SERINC5: variants seen among roughly 807,000 people sequenced by gnomAD.
SERINC5 encodes the protein chromosome 5 open reading frame 12.
Under a neutral mutation model 63.1 loss-of-function variants are expected in SERINC5, and 41 were observed. The ratio of observed to expected loss-of-function variants is 0.65; its 90% confidence interval spans 0.51 to 0.84. The LOEUF (loss-of-function observed/expected upper bound fraction) is 0.84, where lower values mean the gene tolerates loss of function less well. SERINC5 is among the 40% of genes least tolerant of loss of function. The probability of loss-of-function intolerance (pLI) is 0.00; values close to 1 mark genes in which losing one functional copy is unlikely to be tolerated. For missense variants in SERINC5, 523 were observed against 573.0 expected (o/e 0.91, Z 0.89); for synonymous variants, 222 against 215.2 (o/e 1.03, Z -0.28).
intron 2 of SERINC5, among the ~76,000 whole-genome samples, chr5:80,200,602 A>G (rs6453509): frequency 0.3 from 46,266 of 151,922 alleles, 7,271 homozygotes; most frequent in African/African-American, 0.32. Flanking sequence ...GTCTTACTGA[A>G]GAAAGAGCCA....
intron 1 of SERINC5, among the ~76,000 whole-genome samples, chr5:80,249,778 G>A (rs1054058831): frequency 9.2e-5 from 14 of 151,940 alleles, no homozygotes; most frequent in South Asian, 8.3e-4. Context: ...CTCCAGCCTC[G>A]GCAACAAGAG....
intron 10 of SERINC5, 94 bp downstream of exon 10, chr5:80,147,151 C>G: frequency 8.8e-7 from 1 of 1,139,312 alleles, no homozygotes. Flanking sequence ...CCTTACTATT[C>G]AAGTTATTTG....
At chr5:80,160,972 ATG>A (rs1746853380) in intron 7 of SERINC5, among the ~76,000 whole-genome samples, 1 of 136,822 alleles carries the variant, frequency 7.3e-6, no homozygotes, top group Admixed American at 7.8e-5. Context: ...GTGTATATAT[ATG>A]TATATATGTG....
In SERINC5 at chr5:80,142,728, G is replaced by C. The variant is rs1278438235; in HGVS notation, c.*935C>G. On this transcript the variant is annotated 3_prime_UTR_variant, in exon 12 of 12. Coordinates refer to ENST00000507668, the MANE Select transcript of SERINC5 (RefSeq NM_001174072.3). ...AACTGAGGGGCTGACCTCAACAACT[G>C]AAAGAGCAGTGCATGCAGCAGGCTT... The C allele has an allele frequency of 6.1e-6, 6 of 985,436 alleles. No homozygotes were observed. Among genetic ancestry groups the C allele is most frequent in the Non-Finnish European group, 6.0e-6 (5 of 829,934 alleles). 61.0% of individuals were successfully genotyped at this position (985,436 alleles called of 1,614,324 possible). A position where few individuals can be genotyped will look rare whatever the true frequency, so the allele number is the denominator to read the frequency against.
rs182414256 is a variant in SERINC5 at position 80,140,698 on chromosome 5, C to T, written c.*2965G>A. The T allele has an allele frequency of 1.2e-4, 117 of 985,194 alleles. No homozygotes were observed. The African/African-American group carries it at 1.9e-3, about 16-fold the overall frequency. 61.0% of individuals were successfully genotyped at this position (985,194 alleles called of 1,614,324 possible). On this transcript the variant is annotated 3_prime_UTR_variant, in exon 12 of 12. Coordinates refer to ENST00000507668, the MANE Select transcript of SERINC5 (RefSeq NM_001174072.3). ...TCTAGTCTCCAGTCAGGTAACATGC[C>T]GCGGTATGACACTCCCATAAGAACC...
intron 2 of SERINC5, among the ~76,000 whole-genome samples, chr5:80,185,279 A>C (rs1273436151): frequency 6.6e-6 from 1 of 152,138 alleles, no homozygotes; most frequent in African/African-American, 2.4e-5. Flanking sequence ...TAAACAGCTC[A>C]TAAGACTTCC....
chr5:80,195,493 C>T (rs1159576970), intron 2 of SERINC5, among the ~76,000 whole-genome samples: 3 of 152,126 alleles, frequency 2.0e-5, no homozygotes, highest in Non-Finnish European at 2.9e-5. Context: ...GCTATACATA[C>T]GAGCTGCAGC....
chr5:80,178,210 G>T (rs528690144), intron 2 of SERINC5, 146 bp from the exon 3 acceptor site: 5 of 505,070 alleles, frequency 9.9e-6, no homozygotes, highest in African/African-American at 9.8e-5. Flanking sequence ...CTTCTAAAGA[G>T]ATATTTTTCT....
chr5:80,123,987 C>T (rs896433950), intron 11 of SERINC5, among the ~76,000 whole-genome samples: 2 of 152,098 alleles, frequency 1.3e-5, no homozygotes, highest in African/African-American at 4.8e-5. Flanking sequence ...TAAAAAGTTT[C>T]CCAGTGAAGG....
intron 2 of SERINC5, among the ~76,000 whole-genome samples, chr5:80,189,747 T>C (rs1027223710): frequency 6.6e-6 from 1 of 152,212 alleles, no homozygotes; most frequent in Admixed American, 6.5e-5. Context: ...GGTCTTGCTC[T>C]GTCCCTCAGG....
At chr5:80,239,587 G>A (rs989147518) in intron 1 of SERINC5, among the ~76,000 whole-genome samples, 13 of 151,760 alleles carry the variant, frequency 8.6e-5, no homozygotes, top group Admixed American at 3.3e-4. Flanking sequence ...AACTAAAAAG[G>A]AAACTGGATT....
chr5:80,197,136 G>A (rs1033651291), intron 2 of SERINC5, among the ~76,000 whole-genome samples: 4 of 151,944 alleles, frequency 2.6e-5, no homozygotes, highest in African/African-American at 9.7e-5. Context: ...ATCACCTGAG[G>A]TCAGGAGTTC....
intron 1 of SERINC5, among the ~76,000 whole-genome samples, chr5:80,204,927 C>A (rs557559008): frequency 1.6e-4 from 25 of 152,308 alleles, no homozygotes; most frequent in Non-Finnish European, 3.4e-4. Flanking sequence ...GCCTTTTGTT[C>A]TTTGTGTGAT....
intron 12 of SERINC5, among the ~76,000 whole-genome samples, chr5:80,113,329 G>C (rs1004136098): frequency 2.0e-5 from 3 of 152,050 alleles, no homozygotes; most frequent in Non-Finnish European, 4.4e-5. Context: ...CAATTTGGTA[G>C]GTAAAACTAG....
rs570962996 is a variant in SERINC5 at position 80,162,899 on chromosome 5, T to C, written c.859+3484A>G. Reference sequence around the variant, plus strand: ...TGTTGTCCAGGCTGGGGTGCAGGGGTGCTGTAGTGCGATCTTGGCTAGTGA... The same window carrying C: ...TGTTGTCCAGGCTGGGGTGCAGGGGCGCTGTAGTGCGATCTTGGCTAGTGA... On this transcript the variant is annotated intron_variant, in intron 7 of 11. Coordinates refer to ENST00000507668, the MANE Select transcript of SERINC5 (RefSeq NM_001174072.3). 6.6e-5 allele frequency among the ~76,000 whole-genome samples: 10 copies of C among 151,398 alleles called. No homozygotes were observed. The South Asian group carries it at 2.1e-3, about 32-fold the overall frequency.
Position 80,140,313 on chromosome 5 carries a change from A to T in SERINC5, c.*3350T>A. ...CAGAGTGAGCCCGTCTCCAAAAAAAAAAAAAAAAAAAAAAAAAAAGGCTTA... is the reference window on the plus strand; with the variant it reads ...CAGAGTGAGCCCGTCTCCAAAAAAATAAAAAAAAAAAAAAAAAAAGGCTTA... On this transcript the variant is annotated 3_prime_UTR_variant, in exon 12 of 12. Transcript: ENST00000507668. 1.5e-6 allele frequency: 1 copy of T among 688,064 alleles called. No individual in the cohort carries two copies. 42.6% of individuals were successfully genotyped at this position (688,064 alleles called of 1,614,324 possible).
At position 80,164,910 on chromosome 5, in the gene SERINC5, G is replaced by GTTTTTTTTTTTTT. The variant is rs70982026; in HGVS notation, c.859+1460_859+1472dup. The stretch of plus-strand genomic sequence containing the variant: ...TGAAATTTAAAATAACTTTTTTTCT[G>GTTTTTTTTTTTTT]TTTTTTTTTTTTTTTTTTTTTTGTA... On this transcript the variant is annotated intron_variant, in intron 7 of 11. Coordinates refer to ENST00000507668, the MANE Select transcript of SERINC5 (RefSeq NM_001174072.3). Among the ~76,000 whole-genome samples the GTTTTTTTTTTTTT allele has an allele frequency of 3.1e-4, 26 of 85,180 alleles. 1 individual carries two copies. Among genetic ancestry groups the GTTTTTTTTTTTTT allele is most frequent in the African/African-American group, 7.8e-4 (16 of 20,460 alleles). 55.9% of individuals were successfully genotyped at this position (85,180 alleles called of 152,430 possible). A position where few individuals can be genotyped will look rare whatever the true frequency, so the allele number is the denominator to read the frequency against.
intron 4 of SERINC5, among the ~76,000 whole-genome samples, chr5:80,176,185 G>A (rs149665567): frequency 3.8e-3 from 569 of 151,632 alleles, no homozygotes; most frequent in African/African-American, 0.013. Flanking sequence ...ACTCTGTCTC[G>A]AAAAACAAAA....
intron 11 of SERINC5, among the ~76,000 whole-genome samples, chr5:80,132,275 A>G (rs1041534819): frequency 6.6e-6 from 1 of 152,228 alleles, no homozygotes; most frequent in Non-Finnish European, 1.5e-5. Flanking sequence ...ACGAGACCCC[A>G]CAGTTACTTT....
Sources: gnomAD v4.1 joint callset for allele counts (sites outside exome capture counted in the v4.1 genomes callset) on GRCh38, gnomAD v4.1.1 for gene constraint, MANE v1.5 for transcripts, NCBI Gene and HGNC (gene_info 2026-07-23, HGNC 2026-07-21) for gene names.